MPC1: variants seen among roughly 807,000 people sequenced by gnomAD.
MPC1 encodes the protein mitochondrial pyruvate carrier 1, also known as HSPC040 protein.
In MPC1, 6 loss-of-function variants were observed where a neutral mutation model predicts 13.9. The ratio of observed to expected loss-of-function variants is 0.43; its 90% confidence interval spans 0.24 to 0.85. The LOEUF (loss-of-function observed/expected upper bound fraction) is 0.85, where lower values mean the gene tolerates loss of function less well. Ranked by LOEUF, MPC1 falls within the 40% of genes least tolerant of loss-of-function variation. The pLI, the probability that MPC1 is intolerant of heterozygous loss-of-function variation, is 0.24. For synonymous variants in MPC1, 47 were observed against 50.5 expected, an observed-to-expected ratio of 0.93 and a Z score of 0.29; for missense variants, 115 against 143.3, an observed-to-expected ratio of 0.80 and a Z score of 1.01.
intron 1 of MPC1, among the ~76,000 whole-genome samples, chr6:166,378,469 C>A (rs115055280): frequency 0.013 from 2,034 of 151,682 alleles, 47 homozygotes; most frequent in African/African-American, 0.046. Flanking sequence ...CTGTAATATA[C>A]AAACTTGAGA....
intron 1 of MPC1, among the ~76,000 whole-genome samples, chr6:166,371,901 A>C (rs1779394452): frequency 6.6e-6 from 1 of 152,190 alleles, no homozygotes; most frequent in Non-Finnish European, 1.5e-5. Flanking sequence ...ACAATACTGT[A>C]ATATTTTTTT....
At chr6:166,371,304 TTGAA>T (rs932284832) in intron 1 of MPC1, among the ~76,000 whole-genome samples, 1 of 152,212 alleles carries the variant, frequency 6.6e-6, no homozygotes, top group Admixed American at 6.5e-5. Flanking sequence ...AAAATATTTA[TTGAA>T]TGAATGAATG....
chr6:166,371,158 G>A (rs1299258100), intron 1 of MPC1, among the ~76,000 whole-genome samples: 1 of 152,140 alleles, frequency 6.6e-6, no homozygotes, highest in Non-Finnish European at 1.5e-5. Flanking sequence ...GCATACTGTT[G>A]CAGAATTCTA....
chr6:166,379,558 G>A (rs1176074342), intron 1 of MPC1, among the ~76,000 whole-genome samples: 3 of 152,082 alleles, frequency 2.0e-5, no homozygotes, highest in African/African-American at 7.2e-5. Context: ...CATAAAACAT[G>A]ATTGAAATAA....
chr6:166,369,556 A>G (rs1386706215), intron 2 of MPC1: 3 of 162,582 alleles, frequency 1.8e-5, no homozygotes, highest in African/African-American at 7.2e-5. Context: ...CACGAAAGGT[A>G]AAAATCATTT....
chr6:166,382,211 C>T (rs912142702), intron 1 of MPC1, among the ~76,000 whole-genome samples: 2 of 152,116 alleles, frequency 1.3e-5, no homozygotes, highest in African/African-American at 4.8e-5. Context: ...TCACCCTGCC[C>T]TGAGGGGCGC....
rs1289868443 is a variant in MPC1 at position 166,369,934 on chromosome 6, C to T, written c.75+284G>A. 4 of 570,540 alleles carry T rather than the reference C, an allele frequency of 7.0e-6. No homozygotes were observed. In the Admixed American group the frequency reaches 1.1e-4, roughly 16 times the overall value. The allele number at this position is 570,540 out of a possible 1,614,324, so 35.3% of individuals were successfully genotyped here. A position where few individuals can be genotyped will look rare whatever the true frequency, so the allele number is the denominator to read the frequency against. Reference sequence around the variant, plus strand: ...GCTTTCTCTTTTTCTTTCTCTATTTCCTTTCATCGGTTGCTAGGCTCCACT... The same window carrying T: ...GCTTTCTCTTTTTCTTTCTCTATTTTCTTTCATCGGTTGCTAGGCTCCACT... On this transcript the variant is annotated intron_variant, in intron 2 of 4. Coordinates refer to ENST00000360961, the MANE Select transcript of MPC1 (RefSeq NM_016098.4).
Position 166,365,549 on chromosome 6 carries a change from C to T in MPC1, c.306-96G>A. 1 of 964,144 alleles carries T rather than the reference C, an allele frequency of 1.0e-6. No individual in the cohort carries two copies. The highest frequency in any genetic ancestry group is 1.5e-6 in the Non-Finnish European group (1 of 673,232). 59.7% of individuals were successfully genotyped at this position (964,144 alleles called of 1,614,324 possible). On this transcript the variant is annotated intron_variant, in intron 4 of 4. Transcript: ENST00000360961. This position sits in a 1 kb window ranked among gnomAD's most constrained non-coding sequence, Gnocchi z 4.2. ...GCTTTTAAAAGACACCTTTACATAA[C>T]ATTTATTTCAACTTACAACTTATAA...
At chr6:166,369,681 T>A (rs1779304130) in intron 2 of MPC1, among the ~76,000 whole-genome samples, 1 of 152,236 alleles carries the variant, frequency 6.6e-6, no homozygotes, top group African/African-American at 2.4e-5. Context: ...ATTTATGCTG[T>A]CAGATATTCA....
At position 166,367,198 on chromosome 6, in the gene MPC1, T is replaced by C; in HGVS notation, c.76-307A>G. 2 of 1,170,796 alleles carry C rather than the reference T, an allele frequency of 1.7e-6. No homozygotes were observed. The highest frequency in any genetic ancestry group is 1.1e-6 in the Non-Finnish European group (1 of 934,588). 72.5% of individuals were successfully genotyped at this position (1,170,796 alleles called of 1,614,324 possible). The stretch of plus-strand genomic sequence containing the variant: ...TCTCTGATTGTCCTATTTAGAACAT[T>C]TAAAAATAAAAATAAGATTCACTTC... On this transcript the variant is annotated intron_variant, in intron 2 of 4. Transcript: ENST00000360961.
intron 1 of MPC1, among the ~76,000 whole-genome samples, chr6:166,374,875 CA>C (rs1779513507): frequency 6.6e-6 from 1 of 152,168 alleles, no homozygotes; most frequent in Non-Finnish European, 1.5e-5. Context: ...TAGGTAATGT[CA>C]GTCCTCCAAC....
At chr6:166,369,704 G>A (rs1583060724) in intron 2 of MPC1, among the ~76,000 whole-genome samples, 1 of 152,258 alleles carries the variant, frequency 6.6e-6, no homozygotes, top group Admixed American at 6.5e-5. Flanking sequence ...AGTCAATTTT[G>A]AGAAAAATAA....
chr6:166,372,291 G>T (rs1427720697), intron 1 of MPC1, among the ~76,000 whole-genome samples: 1 of 152,114 alleles, frequency 6.6e-6, no homozygotes, highest in Non-Finnish European at 1.5e-5. Context: ...TTTCAACTTG[G>T]ACATAACTTA....
chr6:166,366,861 G>T lies in MPC1; in HGVS notation c.106C>A (p.Leu36Ile), dbSNP rs11557064. 39,015 of 1,613,922 alleles carry T rather than the reference G, an allele frequency of 0.024. 634 individuals carry two copies. The highest frequency in any genetic ancestry group is 0.031 in the Middle Eastern group (188 of 6,062). Reference sequence around the variant, plus strand: ...ATATCATTGATGGCAGCAATGGGAAGACCCCAGTTGGCTACTGGGCCCCAG... The same window carrying T: ...ATATCATTGATGGCAGCAATGGGAATACCCCAGTTGGCTACTGGGCCCCAG... ...HFWGPVANWGLPIAAINDMKK... is the reference protein window; with the variant it reads ...HFWGPVANWGIPIAAINDMKK... The change falls in exon 3 of 5, where the codon CTT becomes ATT. Residue 36 changes from leucine to isoleucine, a missense_variant. Transcript: ENST00000360961.
chr6:166,382,898 C>G lies in MPC1; in HGVS notation c.-22G>C, dbSNP rs767531439. 3 of 1,587,416 alleles carry G rather than the reference C, an allele frequency of 1.9e-6. No individual in the cohort carries two copies. The highest frequency in any genetic ancestry group is 2.6e-6 in the Non-Finnish European group (3 of 1,169,516). On this transcript the variant is annotated 5_prime_UTR_variant, in exon 1 of 5. Coordinates refer to ENST00000360961, the MANE Select transcript of MPC1 (RefSeq NM_016098.4). ...CCATGGCTGTGCCGACACCAGACCC[C>G]GAGTGGTCCCTGCCTCTGCTGCCGC...
chr6:166,374,273 G>T (rs190039043), intron 1 of MPC1, among the ~76,000 whole-genome samples: 282 of 152,332 alleles, frequency 1.9e-3, no homozygotes, highest in Non-Finnish European at 2.1e-3. Flanking sequence ...GATTACAGGA[G>T]TGAGCCACCG....
intron 1 of MPC1, among the ~76,000 whole-genome samples, chr6:166,379,767 T>G (rs568734488): frequency 3.9e-5 from 6 of 152,364 alleles, no homozygotes; most frequent in African/African-American, 1.4e-4. Flanking sequence ...GGAACCTTGT[T>G]TCTGATTAGA....
intron 1 of MPC1, among the ~76,000 whole-genome samples, chr6:166,373,328 T>A (rs1168111173): frequency 6.6e-6 from 1 of 152,230 alleles, no homozygotes; most frequent in Non-Finnish European, 1.5e-5. Flanking sequence ...ATCTTTCGAC[T>A]AGCTCCATAA....
At chr6:166,380,803 G>T (rs1393138405) in intron 1 of MPC1, among the ~76,000 whole-genome samples, 2 of 151,686 alleles carry the variant, frequency 1.3e-5, no homozygotes, top group African/African-American at 4.8e-5. Flanking sequence ...GCCTGGCGTG[G>T]TGGTGCATGC....
Sources: allele counts gnomAD v4.1 joint callset (sites outside exome capture counted in the v4.1 genomes callset), GRCh38; gene constraint gnomAD v4.1.1; non-coding constraint Gnocchi (gnomAD v3.1); transcripts MANE v1.5; gene names NCBI Gene and HGNC (gene_info 2026-07-23, HGNC 2026-07-21).